Variants in TNRC6C observed in about 807,000 individuals in gnomAD.
TNRC6C encodes trinucleotide repeat containing adaptor 6C.
In TNRC6C, 20 loss-of-function variants were observed where a neutral mutation model predicts 153.7. The observed-to-expected ratio is 0.13, with a 90% CI of 0.09 to 0.19. The LOEUF (loss-of-function observed/expected upper bound fraction) is 0.19. TNRC6C is among the 10% of genes least tolerant of loss of function. The pLI is 1.00. For missense variants in TNRC6C, 1,987 were observed against 2,172.0 expected (o/e 0.91, Z 1.69); for synonymous variants, 811 against 841.4 (o/e 0.96, Z 0.63).
chr17:78,081,418 G>A (rs777457167), intron 10 of TNRC6C, among the ~76,000 whole-genome samples: 2 of 151,944 alleles, frequency 1.3e-5, no homozygotes, highest in East Asian at 1.9e-4. Context: ...AGTTGATAGT[G>A]CACAATTATC....
In TNRC6C at chr17:78,104,354, A is replaced by G. The variant is rs899291021; in HGVS notation, c.4713-131A>G. The stretch of plus-strand genomic sequence containing the variant: ...AAACATTCACAGTCTGGGTTTGGAA[A>G]TAGCAGTGGCAAAACAGAAGCCACA... On this transcript the variant is annotated intron_variant, in intron 19 of 19. Coordinates refer to ENST00000301624, the Ensembl canonical transcript of TNRC6C. This position sits in a 1 kb window ranked among gnomAD's most constrained non-coding sequence, Gnocchi z 6.2. 3.9e-6 allele frequency: 5 copies of G among 1,281,638 alleles called. No individual in the cohort carries two copies. In the Admixed American group the frequency reaches 1.7e-4, roughly 44 times the overall value. 79.4% of individuals were successfully genotyped at this position (1,281,638 alleles called of 1,614,324 possible).
rs918825419 is a variant in TNRC6C at position 77,970,945 on chromosome 17, G to A, written c.-38+11677G>A. ...GATCACTTGAGCTGTGGAGTTCAAGGTTACAGTGAGCTACGATCCTGCCAC... is the reference window on the plus strand; with the variant it reads ...GATCACTTGAGCTGTGGAGTTCAAGATTACAGTGAGCTACGATCCTGCCAC... On this transcript the variant is annotated intron_variant, in intron 1 of 22. Transcript: ENST00000636222. Among the ~76,000 whole-genome samples, 18 of 152,114 alleles carry A rather than the reference G, an allele frequency of 1.2e-4. 1 individual carries two copies. The South Asian group carries it at 2.5e-3, about 21-fold the overall frequency.
At chr17:78,071,054 G>A (rs1312302784) in intron 5 of TNRC6C, 31 bp from the exon 8 acceptor site, 2 of 1,572,784 alleles carry the variant, frequency 1.3e-6, no homozygotes, top group Admixed American at 1.9e-5. Flanking sequence ...TGTAGCTCAT[G>A]GACTTCCCCC....
chr17:78,055,546 A>G (rs889233780), intron 3 of TNRC6C, among the ~76,000 whole-genome samples: 7 of 152,200 alleles, frequency 4.6e-5, no homozygotes, highest in Non-Finnish European at 1.0e-4. Context: ...CAGCTCCATT[A>G]TATATAATCT....
At chr17:78,082,635 C>A (rs2073202363) in intron 10 of TNRC6C, among the ~76,000 whole-genome samples, 1 of 152,186 alleles carries the variant, frequency 6.6e-6, no homozygotes, top group Non-Finnish European at 1.5e-5. Flanking sequence ...GCGTTTGTAA[C>A]CCTATCTTAT....
chr17:77,977,648 C>T (rs1025844117), intron 1 of TNRC6C, among the ~76,000 whole-genome samples: 2 of 152,058 alleles, frequency 1.3e-5, no homozygotes, highest in African/African-American at 4.8e-5. Context: ...AAAGAATTAT[C>T]TCCAAAAAGT....
rs137963172 is a variant in TNRC6C at position 78,056,120 on chromosome 17, G to A, written c.2395+4663G>A. 7.9e-3 allele frequency among the ~76,000 whole-genome samples: 1,202 copies of A among 151,348 alleles called. 4 individuals carry two copies. Among genetic ancestry groups the A allele is most frequent in the Non-Finnish European group, 0.012 (837 of 67,938 alleles). ...TCACTTTGGCCTCCCAAAGTGTTGG[G>A]ATCATAGGTGTGAGCCACCATGCCT... On this transcript the variant is annotated intron_variant, in intron 3 of 19. Transcript: ENST00000301624.
At chr17:78,034,337 G>A (rs191157311) in intron 2 of TNRC6C, among the ~76,000 whole-genome samples, 9 of 151,882 alleles carry the variant, frequency 5.9e-5, no homozygotes, top group Middle Eastern at 3.4e-3. Flanking sequence ...GATTCCAGGC[G>A]TGAGCCACCA....
At chr17:78,028,074 AT>A (rs2071979855) in intron 1 of TNRC6C, among the ~76,000 whole-genome samples, 1 of 151,492 alleles carries the variant, frequency 6.6e-6, no homozygotes, top group Admixed American at 6.6e-5. Context: ...TTTTTTTTGT[AT>A]TTTTAGTAGA....
chr17:78,029,651 T>C (rs1039152264), intron 1 of TNRC6C, among the ~76,000 whole-genome samples: 6 of 152,192 alleles, frequency 3.9e-5, no homozygotes, highest in African/African-American at 1.2e-4. Flanking sequence ...AGCTTTTTAA[T>C]TTTTTTAAGA....
chr17:78,051,230 A>G lies in TNRC6C; in HGVS notation c.2168A>G (p.Glu723Gly), dbSNP rs770905421. The G allele has an allele frequency of 1.9e-5, 29 of 1,561,942 alleles. No individual in the cohort carries two copies. The East Asian group carries it at 6.7e-4, about 36-fold the overall frequency. ...CCACCGTCCATTCGCCGCAAAATGG[A>G]AATTGATGATGGTACCTCAGCTTGG... Residue 723 changes from glutamate (E) to glycine (G), a missense_variant, in exon 3 of 20, where the codon GAA (glutamate) becomes GGA (glycine). Transcript: ENST00000301624.
intron 4 of TNRC6C, chr17:78,066,347 T>C (rs4789013): frequency 0.25 from 38,662 of 152,152 alleles, 5,880 homozygotes; most frequent in Non-Finnish European, 0.33. Context: ...TTGTGGTTTT[T>C]TTTGGTTTTT....
At chr17:78,055,259 C>T (rs946025322) in intron 3 of TNRC6C, among the ~76,000 whole-genome samples, 4 of 152,170 alleles carry the variant, frequency 2.6e-5, no homozygotes, top group South Asian at 2.1e-4. Flanking sequence ...AAGACACAAA[C>T]GCACACGTTA....
At chr17:78,000,565 T>C (rs1439797411), upstream of TNRC6C, among the ~76,000 whole-genome samples, 2 of 146,066 alleles carry the variant, frequency 1.4e-5, no homozygotes, top group African/African-American at 5.1e-5. Context: ...AATTAGTCAG[T>C]TTCAAAATAG....
chr17:78,091,336 A>C lies in TNRC6C; in HGVS notation c.3803-104A>C, dbSNP rs1000507754. On this transcript the variant is annotated intron_variant, in intron 13 of 19. Coordinates refer to ENST00000301624, the Ensembl canonical transcript of TNRC6C. ...AGCAAGACTCCGTCTCAAAAAAAAA[A>C]AAAAATTTGCTGTAAGCGAAGACTG... The C allele has an allele frequency of 3.3e-5, 43 of 1,322,218 alleles. 1 individual carries two copies. Among genetic ancestry groups the C allele is most frequent in the South Asian group, 2.9e-4 (14 of 47,512 alleles). 81.9% of individuals were successfully genotyped at this position (1,322,218 alleles called of 1,614,324 possible). A position where few individuals can be genotyped will look rare whatever the true frequency, so the allele number is the denominator to read the frequency against.
chr17:78,049,319 G>C lies in TNRC6C; in HGVS notation c.257G>C (p.Cys86Ser). The change falls in exon 3 of 20, where the codon TGC becomes TCC. Residue 86 changes from cysteine to serine, a missense_variant. Around this residue, in one of 4 missense-constraint regions of TNRC6C, gnomAD observed 1,052 missense variants for 1,017.0 expected, o/e 1.03. Coordinates refer to ENST00000301624, the Ensembl canonical transcript of TNRC6C. The surrounding 1 kb of genome is among the most constrained non-coding windows in gnomAD (Gnocchi z 4.1). ...ATTGGAGATGGGAGAAGTCAGAATT[G>C]CTGGGGTGCTTCCAACTCCAATGCT... 1 of 1,614,016 alleles carries C rather than the reference G, an allele frequency of 6.2e-7. No individual in the cohort carries two copies. Among genetic ancestry groups the C allele is most frequent in the Non-Finnish European group, 8.5e-7 (1 of 1,179,892 alleles).
At chr17:78,055,606 C>T (rs544791773) in intron 3 of TNRC6C, among the ~76,000 whole-genome samples, 1 of 152,302 alleles carries the variant, frequency 6.6e-6, no homozygotes, top group East Asian at 1.9e-4. Flanking sequence ...CGTCATTATG[C>T]AGCCCATGAC....
intron 17 of TNRC6C, 145 bp from the exon 21 acceptor site, chr17:78,102,329 G>A: frequency 5.9e-6 from 4 of 677,092 alleles, no homozygotes; most frequent in Non-Finnish European, 9.9e-6. Context: ...AAGATAGCAT[G>A]GGCCTCCCAG....
At chr17:78,071,634 C>A (rs1161918641) in intron 6 of TNRC6C, among the ~76,000 whole-genome samples, 1 of 152,244 alleles carries the variant, frequency 6.6e-6, no homozygotes, top group African/African-American at 2.4e-5. Context: ...GCGATCTGCC[C>A]GCCTCGGCCT....
Sources: allele counts gnomAD v4.1 joint callset (sites outside exome capture counted in the v4.1 genomes callset), GRCh38; gene constraint gnomAD v4.1.1; regional missense constraint gnomAD v4.1.1; non-coding constraint Gnocchi (gnomAD v3.1); transcripts MANE v1.5; gene names NCBI Gene and HGNC (gene_info 2026-07-23, HGNC 2026-07-21).